LAMB4: variants seen among roughly 807,000 people sequenced by gnomAD.
LAMB4 encodes laminin subunit beta-4.
A neutral mutation model predicts 199.2 loss-of-function variants in LAMB4; 196 were observed. The ratio of observed to expected loss-of-function variants is 0.98; its 90% CI spans 0.88 to 1.11. The LOEUF (loss-of-function observed/expected upper bound fraction) is 1.11. Among genes scored for constraint, LAMB4 ranks in the 50% least tolerant of loss-of-function variants. The probability of loss-of-function intolerance (pLI) is 0.00; values close to 1 mark genes in which losing one functional copy is unlikely to be tolerated. For synonymous variants in LAMB4, 744 were observed against 770.6 expected (o/e 0.97, Z 0.57); for missense variants, 2,080 against 2,171.2 (o/e 0.96, Z 0.83).
chr7:108,029,920 C>T (rs2034971959), intron 32 of LAMB4, among the ~76,000 whole-genome samples: 1 of 152,030 alleles, frequency 6.6e-6, no homozygotes, highest in African/African-American at 2.4e-5. Flanking sequence ...GAGATTGAGA[C>T]CATCCTGGCT....
At chr7:108,100,273 T>A (rs1017872272) in intron 10 of LAMB4, among the ~76,000 whole-genome samples, 5 of 152,212 alleles carry the variant, frequency 3.3e-5, no homozygotes, top group Non-Finnish European at 7.3e-5. Flanking sequence ...GGTTTTTCTG[T>A]ATCAAATTTA....
intron 24 of LAMB4, among the ~76,000 whole-genome samples, chr7:108,056,233 T>C (rs1036587573): frequency 6.6e-6 from 1 of 152,218 alleles, no homozygotes; most frequent in Non-Finnish European, 1.5e-5. Flanking sequence ...ATTTGGCAAA[T>C]ATCAGACGTT....
chr7:108,043,807 G>A lies in LAMB4; in HGVS notation c.4416C>T (p.Asp1472=). The change falls in exon 29 of 34, where the codon GAC becomes GAT. Residue 1472 remains aspartate (D), a synonymous_variant. Transcript: ENST00000388781. The part of the protein sequence containing the change: ...EKLGNIRNQS[D]SEEENINLFI... ...AAAGATTGATGTTTTCTTCTTCAGA[G>A]TCACTTTGGTTTCTTATATTTCCCA... The A allele has an allele frequency of 1.2e-6, 2 of 1,604,322 alleles. No homozygotes were observed. The highest frequency in any genetic ancestry group is 1.1e-5 in the South Asian group (1 of 90,036).
intron 33 of LAMB4, 53 bp from the exon 34 acceptor site, chr7:108,024,231 TG>T: frequency 9.2e-7 from 1 of 1,087,882 alleles, no homozygotes; most frequent in South Asian, 1.6e-5. Context: ...GGATTCCTGC[TG>T]GATACCTACA....
intron 29 of LAMB4, among the ~76,000 whole-genome samples, chr7:108,040,843 G>A (rs1298418559): frequency 1.3e-5 from 2 of 152,142 alleles, no homozygotes; most frequent in Non-Finnish European, 2.9e-5. Flanking sequence ...TCAGGACACA[G>A]GCATGGGCAA....
At chr7:108,095,696 G>A (rs950762100) in intron 11 of LAMB4, among the ~76,000 whole-genome samples, 3 of 152,178 alleles carry the variant, frequency 2.0e-5, no homozygotes, top group South Asian at 2.1e-4. Context: ...ATTACTGATC[G>A]CTCCTTCTCT....
At chr7:108,090,862 C>T (rs899819164) in intron 14 of LAMB4, among the ~76,000 whole-genome samples, 6 of 152,050 alleles carry the variant, frequency 3.9e-5, no homozygotes, top group South Asian at 4.1e-4. Flanking sequence ...GTAGGGACAA[C>T]GAAAATCTCC....
At position 108,045,717 on chromosome 7, in the gene LAMB4, A is replaced by G. The variant is rs1431739912; in HGVS notation, c.4327-1821T>C. On this transcript the variant is annotated intron_variant, in intron 28 of 33. Coordinates refer to ENST00000388781, the MANE Select transcript of LAMB4 (RefSeq NM_007356.3). Reference sequence around the variant, plus strand: ...GCACTGGGACATAAGACCAGGATTTACATTGCTATGTTTGCTGCTGTATTC... The same window carrying G: ...GCACTGGGACATAAGACCAGGATTTGCATTGCTATGTTTGCTGCTGTATTC... 2.0e-5 allele frequency among the ~76,000 whole-genome samples: 3 copies of G among 152,228 alleles called. No homozygotes were observed. In the East Asian group the frequency reaches 5.8e-4, roughly 29 times the overall value.
rs141070173 is a variant in LAMB4, at chr7:108,116,028, T to A, written c.168A>T (p.Lys56Asn). ...CCTCCAGGTAACTGAGGATGCAGTATTTCTGGGCTCTGCTCAGCCCACAGG... is the reference window on the plus strand; with the variant it reads ...CCTCCAGGTAACTGAGGATGCAGTAATTCTGGGCTCTGCTCAGCCCACAGG... Reference protein sequence around the residue: ...SSTCGLSRAQKYCILSYLEGE... With the variant: ...SSTCGLSRAQNYCILSYLEGE... The change falls in exon 3 of 34, where the codon AAA (lysine) becomes AAT (asparagine). Residue 56 changes from lysine (K) to asparagine (N), a missense_variant. Physicochemically the swap from Lys to Asn is moderately conservative, Grantham distance 94. Transcript: ENST00000388781. The A allele has an allele frequency of 6.2e-7, 1 of 1,613,672 alleles. No individual in the cohort carries two copies. Among genetic ancestry groups the A allele is most frequent in the Admixed American group, 1.7e-5 (1 of 59,996 alleles).
At chr7:108,091,898 G>T in intron 13 of LAMB4, 122 bp from the exon 14 acceptor site, 1 of 948,870 alleles carries the variant, frequency 1.1e-6, no homozygotes, top group Non-Finnish European at 1.6e-6. Context: ...TCAATCAATG[G>T]TCCTGTGGGA....
At chr7:108,123,713 C>T (rs2038679388) in intron 1 of LAMB4, among the ~76,000 whole-genome samples, 1 of 152,198 alleles carries the variant, frequency 6.6e-6, no homozygotes, top group Non-Finnish European at 1.5e-5. Context: ...ATACTTTTTC[C>T]TTGCACAAAT....
intron 3 of LAMB4, 127 bp from the exon 4 acceptor site, chr7:108,112,073 TAAC>T (rs2038248151): frequency 1.6e-6 from 1 of 642,630 alleles, no homozygotes; most frequent in Non-Finnish European, 2.5e-6. Flanking sequence ...GCAGAGGAAA[TAAC>T]AAGACATCAA....
chr7:108,087,577 G>A (rs1334876567), intron 14 of LAMB4, among the ~76,000 whole-genome samples: 1 of 152,234 alleles, frequency 6.6e-6, no homozygotes, highest in Non-Finnish European at 1.5e-5. Flanking sequence ...GTAGCCATGG[G>A]AGGCTGGGCC....
chr7:108,047,090 G>A (rs1188602278), intron 28 of LAMB4, among the ~76,000 whole-genome samples: 3 of 151,970 alleles, frequency 2.0e-5, no homozygotes, highest in South Asian at 4.2e-4. Context: ...TTAATGCTTG[G>A]AGTCTTGACA....
chr7:108,043,015 G>A (rs2150508872), intron 29 of LAMB4, among the ~76,000 whole-genome samples: 1 of 147,692 alleles, frequency 6.8e-6, no homozygotes, highest in Non-Finnish European at 1.5e-5. Context: ...TCAATTTCCA[G>A]CTTCAGTACT....
chr7:108,076,300 G>T (rs955180347), intron 17 of LAMB4, among the ~76,000 whole-genome samples: 1 of 152,136 alleles, frequency 6.6e-6, no homozygotes, highest in Non-Finnish European at 1.5e-5. Flanking sequence ...CACAGAGTAA[G>T]AAGTTTGGAA....
chr7:108,112,079 G>T (rs2038248262), intron 3 of LAMB4, 133 bp from the exon 4 acceptor site: 2 of 619,048 alleles, frequency 3.2e-6, no homozygotes, highest in African/African-American at 3.8e-5. Flanking sequence ...GAAATAACAA[G>T]ACATCAAAAT....
intron 11 of LAMB4, among the ~76,000 whole-genome samples, chr7:108,097,561 G>C (rs988240197): frequency 6.6e-6 from 1 of 152,142 alleles, no homozygotes; most frequent in Admixed American, 6.6e-5. Context: ...CGAGACGGGC[G>C]GATCACGAGG....
chr7:108,064,286 A>G (rs2036261972), intron 21 of LAMB4, among the ~76,000 whole-genome samples: 1 of 152,162 alleles, frequency 6.6e-6, no homozygotes, highest in African/African-American at 2.4e-5. Flanking sequence ...TATAATCAGC[A>G]TCACACTAGC....
Sources: gnomAD v4.1 joint callset for allele counts (sites outside exome capture counted in the v4.1 genomes callset) on GRCh38, gnomAD v4.1.1 for gene constraint, MANE v1.5 for transcripts, NCBI Gene and HGNC (gene_info 2026-07-23, HGNC 2026-07-21) for gene names.